Variants in PLG observed in about 807,000 individuals in gnomAD.
PLG encodes the protein plasmin.
Under a neutral mutation model 104.4 loss-of-function variants are expected in PLG, and 41 were observed. That is an observed-to-expected ratio of 0.39 (90% CI 0.31 to 0.51). The LOEUF (loss-of-function observed/expected upper bound fraction) is 0.51, where lower values mean the gene tolerates loss of function less well. Among genes scored for constraint, PLG ranks in the 20% least tolerant of loss-of-function variants. The pLI, the probability that PLG is intolerant of heterozygous loss-of-function variation, is 0.76. For synonymous variants in PLG, 337 were observed against 357.1 expected (o/e 0.94, Z 0.63); for missense variants, 891 against 1,003.6 (o/e 0.89, Z 1.52).
intron 6 of PLG, among the ~76,000 whole-genome samples, chr6:160,715,694 C>T (rs144726650): frequency 2.2e-4 from 33 of 152,280 alleles, no homozygotes; most frequent in African/African-American, 3.9e-4. Context: ...ACAGATTCCA[C>T]GGTGGAAAGC....
intron 1 of PLG, among the ~76,000 whole-genome samples, chr6:160,704,074 T>G (rs1304466574): frequency 3.3e-5 from 5 of 152,262 alleles, no homozygotes; most frequent in Non-Finnish European, 7.3e-5. Flanking sequence ...ACACCATTAA[T>G]AAAATACATT....
chr6:160,718,203 G>T, intron 7 of PLG, 91 bp from the exon 8 acceptor site: 2 of 1,103,920 alleles, frequency 1.8e-6, no homozygotes, highest in Non-Finnish European at 2.8e-6. Context: ...AGTGAGCTGA[G>T]ATCGTGCCAC....
Position 160,732,010 on chromosome 6 carries a change from G to C in PLG, c.1587+117G>C. On this transcript the variant is annotated intron_variant, in intron 12 of 18. Coordinates refer to ENST00000308192, the MANE Select transcript of PLG (RefSeq NM_000301.5). The surrounding 1 kb of genome is among the most constrained non-coding windows in gnomAD (Gnocchi z 4.5). ...TGCTCTTTTTTGTAATGGGGGAGAG[G>C]GGACAGAAGAAAATATTGGAAAGGC... is the stretch of plus-strand genomic sequence containing the variant. The C allele has an allele frequency of 9.5e-7, 1 of 1,052,994 alleles. No homozygotes were observed. The highest frequency in any genetic ancestry group is 1.5e-6 in the Non-Finnish European group (1 of 681,632). 65.2% of individuals were successfully genotyped at this position (1,052,994 alleles called of 1,614,324 possible). A position where few individuals can be genotyped will look rare whatever the true frequency, so the allele number is the denominator to read the frequency against.
In PLG at chr6:160,738,122, A is replaced by T. The variant is rs1286970561; in HGVS notation, c.1803-416A>T. On this transcript the variant is annotated intron_variant, in intron 14 of 18. Transcript: ENST00000308192. This position sits in a 1 kb window ranked among gnomAD's most constrained non-coding sequence, Gnocchi z 6.8. Reference sequence around the variant, plus strand: ...ATGAGTCACTGCTGCTCAGGATCACATCTGGCTCCTTGAAGAGTGATTCAT... The same window carrying T: ...ATGAGTCACTGCTGCTCAGGATCACTTCTGGCTCCTTGAAGAGTGATTCAT... Among the ~76,000 whole-genome samples the T allele has an allele frequency of 6.6e-6, 1 of 152,254 alleles. No individual in the cohort carries two copies. Among genetic ancestry groups the T allele is most frequent in the Non-Finnish European group, 1.5e-5 (1 of 68,048 alleles).
rs1777555697 is a variant in PLG, at chr6:160,707,722, G to C, written c.208G>C (p.Glu70Gln). The change falls in exon 3 of 19, where the codon GAG becomes CAG. Residue 70 changes from glutamate to glutamine, a missense_variant. Transcript: ENST00000308192. ...CAGGGCATTCCAATATCACAGTAAA[G>C]AGCAACAATGTGTGATAATGGCTGA... is the stretch of plus-strand genomic sequence containing the variant. ...TCRAFQYHSK[E>Q]QQCVIMAENR... 3 of 1,611,156 alleles carry C rather than the reference G, an allele frequency of 1.9e-6. No homozygotes were observed. The highest frequency in any genetic ancestry group is 2.5e-6 in the Non-Finnish European group (3 of 1,179,142).
rs113153850 is a variant in PLG at position 160,734,063 on chromosome 6, C to T, written c.1656C>T (p.Tyr552=). 59 of 1,604,616 alleles carry T rather than the reference C, an allele frequency of 3.7e-5. No homozygotes were observed. The highest frequency in any genetic ancestry group is 2.4e-4 in the African/African-American group (18 of 74,790). ...ACACGACAAATCCAAGAAAACTTTACGACTACTGTGATGTCCCTCAGTGTG... is the reference window on the plus strand; with the variant it reads ...ACACGACAAATCCAAGAAAACTTTATGACTACTGTGATGTCCCTCAGTGTG... ...WCYTTNPRKL[Y]DYCDVPQCAA... Residue 552 remains tyrosine, a synonymous_variant, in exon 13 of 19, where the codon TAC becomes TAT. Coordinates refer to ENST00000308192, the MANE Select transcript of PLG (RefSeq NM_000301.5). The surrounding 1 kb of genome is among the most constrained non-coding windows in gnomAD (Gnocchi z 4.4).
chr6:160,731,221 C>T lies in PLG; in HGVS notation c.1427C>T (p.Pro476Leu), dbSNP rs1283788889. 1 of 1,613,734 alleles carries T rather than the reference C, an allele frequency of 6.2e-7. No homozygotes were observed. The highest frequency in any genetic ancestry group is 2.2e-5 in the East Asian group (1 of 44,878). The change falls in exon 11 of 19, where the codon CCT (proline) becomes CTT (leucine). Residue 476 changes from proline to leucine, a missense_variant. Pro to Leu is a moderately conservative substitution (Grantham distance 98, BLOSUM62 -3). This residue lies in a region of PLG where 854 missense variants were observed against 932.1 expected (regional missense o/e 0.92). Transcript: ENST00000308192. This position sits in a 1 kb window ranked among gnomAD's most constrained non-coding sequence, Gnocchi z 5.1. ...PVVLLPDVET[P>L]SEEDCMFGNG... is the part of the protein sequence containing the mutation. ...GTCCTGCTTCCAGATGTAGAGACTC[C>T]TTCCGAAGAAGGTAAGAAATCTGTG... is the stretch of plus-strand genomic sequence containing the variant.
chr6:160,730,059 C>T (rs1176296855), intron 10 of PLG, among the ~76,000 whole-genome samples: 1 of 152,156 alleles, frequency 6.6e-6, no homozygotes, highest in Non-Finnish European at 1.5e-5. Context: ...ATACATTTCC[C>T]GTTTTCTCAG....
intron 4 of PLG, chr6:160,711,999 G>C: frequency 9.9e-7 from 1 of 1,009,970 alleles, no homozygotes; most frequent in South Asian, 1.9e-5. Flanking sequence ...TAGGAACTTA[G>C]TGCTTGTTAC....
rs1014528128 is a variant in PLG at position 160,753,200 on chromosome 6, T to G, written c.*139T>G. On this transcript the variant is annotated 3_prime_UTR_variant, in exon 19 of 19. Transcript: ENST00000308192. The surrounding 1 kb of genome is among the most constrained non-coding windows in gnomAD (Gnocchi z 5.4). ...CCAGCTACGCCAAACCTCGGCATTT[T>G]TTGTGTTATTTTCTGACTGCTGGAT... 6.3e-6 allele frequency: 4 copies of G among 630,310 alleles called. No homozygotes were observed. In the African/African-American group the frequency reaches 7.3e-5, roughly 12 times the overall value. The allele number at this position is 630,310 out of a possible 1,614,324, so 39.0% of individuals were successfully genotyped here.
Position 160,734,061 on chromosome 6 carries a change from T to C in PLG, c.1654T>C (p.Tyr552His), listed in dbSNP as rs1778048203. 1 of 1,607,192 alleles carries C rather than the reference T, an allele frequency of 6.2e-7. No homozygotes were observed. Among genetic ancestry groups the C allele is most frequent in the Admixed American group, 1.7e-5 (1 of 59,980 alleles). ...WCYTTNPRKLYDYCDVPQCAA... is the reference protein window; with the variant it reads ...WCYTTNPRKLHDYCDVPQCAA... ...CTACACGACAAATCCAAGAAAACTTTACGACTACTGTGATGTCCCTCAGTG... is the reference window on the plus strand; with the variant it reads ...CTACACGACAAATCCAAGAAAACTTCACGACTACTGTGATGTCCCTCAGTG... The change falls in exon 13 of 19, where the codon TAC becomes CAC. Residue 552 changes from tyrosine (Y) to histidine (H), a missense_variant. Physicochemically the swap from Tyr to His is moderately conservative, Grantham distance 83 (BLOSUM62 2). Transcript: ENST00000308192. This position sits in a 1 kb window ranked among gnomAD's most constrained non-coding sequence, Gnocchi z 4.4.
At chr6:160,717,049 C>T (rs1777745549) in intron 7 of PLG, among the ~76,000 whole-genome samples, 1 of 152,174 alleles carries the variant, frequency 6.6e-6, no homozygotes, top group South Asian at 2.1e-4. Context: ...TCATCCTATT[C>T]TCTCTGTGCT....
intron 17 of PLG, among the ~76,000 whole-genome samples, chr6:160,747,637 T>C (rs1485574436): frequency 1.3e-5 from 2 of 152,208 alleles, no homozygotes; most frequent in African/African-American, 2.4e-5. Context: ...TTTTGTTTTC[T>C]TGGTTTAATC....
At position 160,752,234 on chromosome 6, in the gene PLG, T is replaced by G; in HGVS notation, c.2245T>G (p.Leu749Val). The G allele has an allele frequency of 6.2e-7, 1 of 1,614,092 alleles. No individual in the cohort carries two copies. The highest frequency in any genetic ancestry group is 1.1e-5 in the South Asian group (1 of 91,062). ...ATCCACCGAACTCTGTGCTGGGCATTTGGCCGGAGGCACTGACAGTTGCCA... is the reference window on the plus strand; with the variant it reads ...ATCCACCGAACTCTGTGCTGGGCATGTGGCCGGAGGCACTGACAGTTGCCA... ...VQSTELCAGHLAGGTDSCQGD... is the reference protein window; with the variant it reads ...VQSTELCAGHVAGGTDSCQGD... Residue 749 changes from leucine (L) to valine (V), a missense_variant, in exon 18 of 19, where the codon TTG becomes GTG. Leu to Val is a conservative substitution (Grantham distance 32, BLOSUM62 1). This residue lies in a region of PLG where 854 missense variants were observed against 932.1 expected (regional missense o/e 0.92). Transcript: ENST00000308192. This position sits in a 1 kb window ranked among gnomAD's most constrained non-coding sequence, Gnocchi z 4.7.
chr6:160,728,425 G>GA (rs1399519048), intron 10 of PLG, among the ~76,000 whole-genome samples: 1 of 4,780 alleles, frequency 2.1e-4, no homozygotes, highest in Non-Finnish European at 3.6e-4. Flanking sequence ...TAAAAAATGT[G>GA]AAAAAATGTA....
At position 160,731,598 on chromosome 6, in the gene PLG, C is replaced by T. The variant is rs1778000160; in HGVS notation, c.1439-147C>T. 7.9e-6 allele frequency: 6 copies of T among 763,858 alleles called. No individual in the cohort carries two copies. Among genetic ancestry groups the T allele is most frequent in the Admixed American group, 1.9e-5 (1 of 51,636 alleles). The allele number at this position is 763,858 out of a possible 1,614,324, so 47.3% of individuals were successfully genotyped here. The stretch of plus-strand genomic sequence containing the variant: ...TCCAGTAATTTCTTAAGGTAGGCAG[C>T]GTTCATTGCAGTCTTCAGCATTGCA... On this transcript the variant is annotated intron_variant, in intron 11 of 18. Transcript: ENST00000308192. This position sits in a 1 kb window ranked among gnomAD's most constrained non-coding sequence, Gnocchi z 5.1.
Position 160,702,352 on chromosome 6 carries a change from A to C in PLG, c.48A>C (p.Ser16=), listed in dbSNP as rs1777432807. The C allele has an allele frequency of 1.2e-6, 2 of 1,604,290 alleles. No homozygotes were observed. The highest frequency in any genetic ancestry group is 1.7e-6 in the Non-Finnish European group (2 of 1,175,612). Reference sequence around the variant, plus strand: ...TTCTACTTCTTTTATTTCTGAAATCAGGTAAGACATAGTTTTTTTAAATTA... The same window carrying C: ...TTCTACTTCTTTTATTTCTGAAATCCGGTAAGACATAGTTTTTTTAAATTA... ...VVLLLLLFLK[S]GQGEPLDDYV... The change falls in exon 1 of 19, where the codon TCA becomes TCC. Residue 16 remains serine (S), a splice_region_variant and synonymous_variant. Transcript: ENST00000308192.
At position 160,731,243 on chromosome 6, in the gene PLG, T is replaced by C; in HGVS notation, c.1438+11T>C. On this transcript the variant is annotated intron_variant, in intron 11 of 18. Transcript: ENST00000308192. This position sits in a 1 kb window ranked among gnomAD's most constrained non-coding sequence, Gnocchi z 5.1. ...CTCCTTCCGAAGAAGGTAAGAAATC[T>C]GTGGCTGGACATCTACACACTTGGA... The C allele has an allele frequency of 6.2e-7, 1 of 1,610,184 alleles. No homozygotes were observed. Among genetic ancestry groups the C allele is most frequent in the Non-Finnish European group, 8.5e-7 (1 of 1,176,870 alleles).
rs975087875 is a variant in PLG, at chr6:160,740,309, G to A, written c.2019-1002G>A. ...CCTCCTGCTCCCCAGTGTCCTCCCC[G>A]CCATCCCAGCAAATGTGCAAATAGA... is the stretch of plus-strand genomic sequence containing the variant. On this transcript the variant is annotated intron_variant, in intron 16 of 18. Coordinates refer to ENST00000308192, the MANE Select transcript of PLG (RefSeq NM_000301.5). This position sits in a 1 kb window ranked among gnomAD's most constrained non-coding sequence, Gnocchi z 5.2. 1.3e-5 allele frequency among the ~76,000 whole-genome samples: 2 copies of A among 152,268 alleles called. No individual in the cohort carries two copies. Among genetic ancestry groups the A allele is most frequent in the African/African-American group, 2.4e-5 (1 of 41,564 alleles).
Sources: gnomAD v4.1 joint callset for allele counts (sites outside exome capture counted in the v4.1 genomes callset) on GRCh38, gnomAD v4.1.1 for gene constraint, gnomAD v4.1.1 regional missense constraint, Gnocchi (gnomAD v3.1) non-coding constraint, MANE v1.5 for transcripts, NCBI Gene and HGNC (gene_info 2026-07-23, HGNC 2026-07-21) for gene names.